S100PBP: variants seen among roughly 807,000 people sequenced by gnomAD.
S100PBP encodes S100P-binding protein.
A neutral mutation model predicts 39.9 loss-of-function variants in S100PBP; 15 were observed. That is an observed-to-expected ratio of 0.38 (90% CI 0.25 to 0.58). The LOEUF (loss-of-function observed/expected upper bound fraction) is 0.58, where lower values mean the gene tolerates loss of function less well. S100PBP is among the 20% of genes least tolerant of loss of function. The pLI is 0.70. For synonymous variants in S100PBP, 178 were observed against 180.3 expected, an observed-to-expected ratio of 0.99 and a Z score of 0.10; for missense variants, 504 against 487.3, an observed-to-expected ratio of 1.03 and a Z score of -0.32.
rs1281476870 is a variant in S100PBP, at chr1:32,827,783, G to GGTTTTTTTTTT, written c.832-210_832-209insGTTTTTTTTTT. ...GGCATGAGCCACTACACCTGGCCAG[G>GGTTTTTTTTTT]TTTTTTTTTTTTTTTTTTTTTTTTA... On this transcript the variant is annotated intron_variant, in intron 3 of 6. Transcript: ENST00000373475. Among the ~76,000 whole-genome samples the GGTTTTTTTTTT allele has an allele frequency of 2.3e-5, 3 of 130,424 alleles. 1 individual carries two copies. Among genetic ancestry groups the GGTTTTTTTTTT allele is most frequent in the Non-Finnish European group, 1.6e-5 (1 of 61,940 alleles). 85.6% of individuals were successfully genotyped at this position (130,424 alleles called of 152,430 possible). A position where few individuals can be genotyped will look rare whatever the true frequency, so the allele number is the denominator to read the frequency against.
chr1:32,839,290 T>C (rs1639983484), intron 5 of S100PBP, among the ~76,000 whole-genome samples: 3 of 152,240 alleles, frequency 2.0e-5, no homozygotes, highest in Admixed American at 2.0e-4. Flanking sequence ...TCAAGATTCA[T>C]GTTTGTTGTT....
At chr1:32,820,488 G>A (rs1468769290) in intron 1 of S100PBP, 1 of 152,032 alleles carries the variant, frequency 6.6e-6, no homozygotes, top group Non-Finnish European at 1.5e-5. Flanking sequence ...CAATGATGGT[G>A]GTGGGGTGAA....
At chr1:32,821,289 A>G (rs1639046629) in intron 1 of S100PBP, among the ~76,000 whole-genome samples, 1 of 152,102 alleles carries the variant, frequency 6.6e-6, no homozygotes. Context: ...TTTGTGATAT[A>G]TGTATCCATA....
chr1:32,833,742 C>G (rs1472390557), intron 5 of S100PBP, among the ~76,000 whole-genome samples: 2 of 152,012 alleles, frequency 1.3e-5, no homozygotes, highest in Admixed American at 1.3e-4. Flanking sequence ...TAAATCTATC[C>G]TGCCACCTAG....
Position 32,826,846 on chromosome 1 carries a change from T to C in S100PBP, c.747T>C (p.Asn249=). 1 of 1,614,078 alleles carries C rather than the reference T, an allele frequency of 6.2e-7. No homozygotes were observed. Residue 249 remains asparagine, a synonymous_variant, in exon 3 of 7, where the codon AAT becomes AAC. Coordinates refer to ENST00000373475, the MANE Select transcript of S100PBP (RefSeq NM_022753.4). The part of the protein sequence containing the change: ...SRISDHSETP[N]MELSCRNGGS... ...TCTCAGACCATTCAGAGACTCCTAA[T>C]ATGGAGTTATCCTGCAGAAATGGTG...
At chr1:32,833,945 G>T in intron 5 of S100PBP, 1 of 196,846 alleles carries the variant, frequency 5.1e-6, no homozygotes, top group Non-Finnish European at 1.2e-5. Context: ...ATTTCATCTT[G>T]GTAAATTAGA....
At chr1:32,829,405 C>T (rs778586050) in intron 4 of S100PBP, among the ~76,000 whole-genome samples, 9 of 152,146 alleles carry the variant, frequency 5.9e-5, no homozygotes, top group African/African-American at 9.7e-5. Context: ...TAATCTTCAC[C>T]TTTCTATTCC....
At chr1:32,840,251 A>T (rs1640024194) in intron 5 of S100PBP, among the ~76,000 whole-genome samples, 1 of 150,982 alleles carries the variant, frequency 6.6e-6, no homozygotes, top group Non-Finnish European at 1.5e-5. Flanking sequence ...CTCCCAAAGC[A>T]CTGGGATTAC....
Position 32,845,919 on chromosome 1 carries a change from T to C in S100PBP, c.1025-7160T>C, listed in dbSNP as rs146947709. On this transcript the variant is annotated intron_variant, in intron 5 of 6. Coordinates refer to ENST00000373475, the MANE Select transcript of S100PBP (RefSeq NM_022753.4). The stretch of plus-strand genomic sequence containing the variant: ...GTCTCAAACTCCTGGGCTCAAGTGA[T>C]CTATCCACCTCGGCCTCCCAAAGTG... Among the ~76,000 whole-genome samples, 433 of 152,180 alleles carry C rather than the reference T, an allele frequency of 2.8e-3. 1 individual carries two copies. Among genetic ancestry groups the C allele is most frequent in the African/African-American group, 1.0e-2 (414 of 41,522 alleles).
chr1:32,845,580 A>G (rs1378210418), intron 5 of S100PBP, among the ~76,000 whole-genome samples: 1 of 151,770 alleles, frequency 6.6e-6, no homozygotes, highest in Non-Finnish European at 1.5e-5. Flanking sequence ...AGATCAGATC[A>G]TTGATCTTGA....
chr1:32,819,778 T>C (rs900747382), intron 1 of S100PBP, among the ~76,000 whole-genome samples: 6 of 152,114 alleles, frequency 3.9e-5, no homozygotes, highest in African/African-American at 1.4e-4. Context: ...AAATACCATG[T>C]TTTTTTAGTA....
chr1:32,854,552 CTCA>C (rs927653994), intron 6 of S100PBP, among the ~76,000 whole-genome samples: 1 of 152,182 alleles, frequency 6.6e-6, no homozygotes, highest in African/African-American at 2.4e-5. Context: ...CTAACTATTT[CTCA>C]TCATTTGACC....
chr1:32,819,126 CAG>C (rs1435230625), intron 1 of S100PBP, among the ~76,000 whole-genome samples: 7 of 149,660 alleles, frequency 4.7e-5, no homozygotes, highest in Non-Finnish European at 7.4e-5. Flanking sequence ...GGTTCGAGAA[CAG>C]AGAGGGGGTG....
At chr1:32,837,563 C>T (rs538235272) in intron 5 of S100PBP, among the ~76,000 whole-genome samples, 3 of 132,970 alleles carry the variant, frequency 2.3e-5, no homozygotes, top group Non-Finnish European at 4.8e-5. Context: ...AAAACTCCGT[C>T]TCAAAAAAAA....
At position 32,820,209 on chromosome 1, in the gene S100PBP, C is replaced by T. The variant is rs371848156; in HGVS notation, c.-120+2520C>T. Among the ~76,000 whole-genome samples the T allele has an allele frequency of 4.7e-4, 60 of 126,324 alleles. 1 individual carries two copies. Among genetic ancestry groups the T allele is most frequent in the African/African-American group, 1.7e-3 (57 of 32,608 alleles). The allele number at this position is 126,324 out of a possible 152,430, so 82.9% of individuals were successfully genotyped here. A position where few individuals can be genotyped will look rare whatever the true frequency, so the allele number is the denominator to read the frequency against. ...TCACCCAGGCTGGAGTGCAGTGGTGCGATCTCAGTTCACTGCAACCTCCGC... is the reference window on the plus strand; with the variant it reads ...TCACCCAGGCTGGAGTGCAGTGGTGTGATCTCAGTTCACTGCAACCTCCGC... On this transcript the variant is annotated intron_variant, in intron 1 of 6. Coordinates refer to ENST00000373475, the MANE Select transcript of S100PBP (RefSeq NM_022753.4).
chr1:32,838,866 G>C (rs911826862), intron 5 of S100PBP, among the ~76,000 whole-genome samples: 2 of 151,780 alleles, frequency 1.3e-5, no homozygotes, highest in African/African-American at 4.8e-5. Context: ...AAAGTTGTAA[G>C]TGTACATTTC....
At chr1:32,839,265 C>T (rs1010434212) in intron 5 of S100PBP, among the ~76,000 whole-genome samples, 1 of 152,232 alleles carries the variant, frequency 6.6e-6, no homozygotes, top group Non-Finnish European at 1.5e-5. Context: ...GCTTATTTCA[C>T]TTAGCACAAT....
At chr1:32,830,978 G>A (rs968822694) in intron 5 of S100PBP, among the ~76,000 whole-genome samples, 4 of 151,996 alleles carry the variant, frequency 2.6e-5, no homozygotes, top group African/African-American at 9.7e-5. Context: ...TACTCAGGTG[G>A]CTGAGGCACA....
At chr1:32,825,961 A>G in intron 2 of S100PBP, 137 bp from the exon 3 acceptor site, 2 of 634,488 alleles carry the variant, frequency 3.2e-6, no homozygotes, top group South Asian at 4.3e-5. Context: ...AAGGTTAAAT[A>G]TCTTAAAATT....
Sources: allele counts gnomAD v4.1 joint callset (sites outside exome capture counted in the v4.1 genomes callset), GRCh38; gene constraint gnomAD v4.1.1; transcripts MANE v1.5; gene names NCBI Gene and HGNC (gene_info 2026-07-23, HGNC 2026-07-21).